Variants in FBLN1 observed in about 807,000 individuals in gnomAD.
FBLN1 encodes the protein fibulin-1.
A neutral mutation model predicts 89.7 loss-of-function variants in FBLN1; 34 were observed. The ratio of observed to expected loss-of-function variants is 0.38; its 90% CI spans 0.29 to 0.50. The LOEUF (loss-of-function observed/expected upper bound fraction) is 0.50. Among genes scored for constraint, FBLN1 ranks in the 20% least tolerant of loss-of-function variants. The pLI is 0.92. For synonymous variants in FBLN1, 393 were observed against 391.3 expected, an observed-to-expected ratio of 1.00 and a Z score of -0.05; for missense variants, 777 against 988.1, an observed-to-expected ratio of 0.79 and a Z score of 2.86.
At position 45,576,711 on chromosome 22, in the gene FBLN1, T is replaced by C. The variant is rs976536804; in HGVS notation, c.1841-266T>C. ...GATGACTTCTCACCAGCCCTTCCTC[T>C]GATTAGCTCTGTGTCCCCGAGGAAG... On this transcript the variant is annotated intron_variant, in intron 15 of 16. Coordinates refer to ENST00000327858, the MANE Select transcript of FBLN1 (RefSeq NM_006486.3). The surrounding 1 kb of genome is among the most constrained non-coding windows in gnomAD (Gnocchi z 5.2). Among the ~76,000 whole-genome samples, 6 of 152,208 alleles carry C rather than the reference T, an allele frequency of 3.9e-5. No individual in the cohort carries two copies. The highest frequency in any genetic ancestry group is 1.4e-4 in the African/African-American group (6 of 41,458).
Position 45,572,428 on chromosome 22 carries a change from A to T in FBLN1, c.1698-2083A>T, listed in dbSNP as rs568048302. On this transcript the variant is annotated intron_variant, in intron 14 of 16. Transcript: ENST00000327858. This position sits in a 1 kb window ranked among gnomAD's most constrained non-coding sequence, Gnocchi z 5.8. ...TGGCTTCCATCATGGGTTCATACTG[A>T]TTTTTTTTTCCCCAAAAATCCTTTG... 2.2e-3 allele frequency among the ~76,000 whole-genome samples: 338 copies of T among 151,868 alleles called. No homozygotes were observed. The highest frequency in any genetic ancestry group is 6.4e-3 in the African/African-American group (265 of 41,432).
chr22:45,512,551 G>T (rs901890142), intron 1 of FBLN1, among the ~76,000 whole-genome samples: 2 of 152,238 alleles, frequency 1.3e-5, no homozygotes, highest in South Asian at 2.1e-4. Context: ...TCCCCAGCCT[G>T]TGTGATGGGG....
intron 16 of FBLN1, among the ~76,000 whole-genome samples, chr22:45,587,006 G>A (rs966181427): frequency 4.6e-5 from 7 of 152,114 alleles, no homozygotes; most frequent in Admixed American, 3.9e-4. Context: ...GCTTCTGGGG[G>A]ACTCCTGCGA....
chr22:45,516,021 A>AAGGC (rs947156691), intron 1 of FBLN1, among the ~76,000 whole-genome samples: 3 of 152,208 alleles, frequency 2.0e-5, no homozygotes, highest in Admixed American at 2.0e-4. Flanking sequence ...CTATGAGGGT[A>AAGGC]AGGCAGGCAG....
chr22:45,538,730 C>T (rs556383328), intron 8 of FBLN1, among the ~76,000 whole-genome samples: 16 of 152,236 alleles, frequency 1.1e-4, no homozygotes, highest in Admixed American at 7.8e-4. Context: ...CCATGGTACC[C>T]GCTCCCTCAC....
In FBLN1 at chr22:45,580,906, G is replaced by A. The variant is rs1031559722; in HGVS notation, c.1972+3798G>A. Among the ~76,000 whole-genome samples the A allele has an allele frequency of 2.8e-4, 43 of 152,358 alleles. No individual in the cohort carries two copies. Among genetic ancestry groups the A allele is most frequent in the African/African-American group, 6.3e-4 (26 of 41,580 alleles). On this transcript the variant is annotated intron_variant, in intron 16 of 16. Coordinates refer to ENST00000327858, the MANE Select transcript of FBLN1 (RefSeq NM_006486.3). The surrounding 1 kb of genome is among the most constrained non-coding windows in gnomAD (Gnocchi z 8.6). ...GATCGAGGAGCCCGCAGCAGGGCCC[G>A]CGCCGTCGTCTTTGTAAAGCCCCCT...
At position 45,563,278 on chromosome 22, in the gene FBLN1, G is replaced by C. The variant is rs545015193; in HGVS notation, c.1698-11233G>C. The C allele has an allele frequency of 3.0e-5, 49 of 1,613,284 alleles. No individual in the cohort carries two copies. The highest frequency in any genetic ancestry group is 4.1e-5 in the Non-Finnish European group (48 of 1,180,048). ...CTGCAGAGCTCTGAGCACTCGCTTCGCGTCGCGGGGTCTCCCTCCTGTTGC... is the reference window on the plus strand; with the variant it reads ...CTGCAGAGCTCTGAGCACTCGCTTCCCGTCGCGGGGTCTCCCTCCTGTTGC... On this transcript the variant is annotated intron_variant, in intron 14 of 16. Coordinates refer to ENST00000327858, the MANE Select transcript of FBLN1 (RefSeq NM_006486.3). This position sits in a 1 kb window ranked among gnomAD's most constrained non-coding sequence, Gnocchi z 5.7.
intron 1 of FBLN1, among the ~76,000 whole-genome samples, chr22:45,513,648 C>T (rs116552073): frequency 6.6e-5 from 10 of 152,144 alleles, no homozygotes; most frequent in Admixed American, 1.3e-4. Flanking sequence ...TCCTCTCCCC[C>T]GAAGCCTGTG....
At chr22:45,526,007 ATCT>A (rs1602176137) in intron 3 of FBLN1, among the ~76,000 whole-genome samples, 1 of 152,122 alleles carries the variant, frequency 6.6e-6, no homozygotes, top group East Asian at 1.9e-4. Context: ...GGCTTCCAGA[ATCT>A]TCTTCTCAAT....
In FBLN1 at chr22:45,597,331, G is replaced by A. The variant is rs759731747; in HGVS notation, c.1973-2976G>A. ...AAAGACATATCTGACTGTTGCTTGT[G>A]GAGGTGCCTGCCATTCCTCCCTACA... is the stretch of plus-strand genomic sequence containing the variant. On this transcript the variant is annotated intron_variant, in intron 16 of 16. Transcript: ENST00000327858. This position sits in a 1 kb window ranked among gnomAD's most constrained non-coding sequence, Gnocchi z 4.2. Among the ~76,000 whole-genome samples the A allele has an allele frequency of 1.3e-5, 2 of 152,160 alleles. No individual in the cohort carries two copies. The highest frequency in any genetic ancestry group is 1.5e-5 in the Non-Finnish European group (1 of 68,030).
intron 3 of FBLN1, among the ~76,000 whole-genome samples, chr22:45,526,449 C>T (rs527718383): frequency 2.6e-5 from 4 of 152,336 alleles, no homozygotes; most frequent in African/African-American, 4.8e-5. Context: ...AAAACAAGCC[C>T]GGCCAGGAGG....
chr22:45,528,045 A>G (rs1374161159), intron 4 of FBLN1, 36 bp downstream of exon 4: 3 of 1,608,222 alleles, frequency 1.9e-6, no homozygotes, highest in Admixed American at 1.7e-5. Flanking sequence ...TGAGCAGTGT[A>G]TTAAGGTTCT....
At chr22:45,596,656 A>G (rs1829384689) in intron 16 of FBLN1, among the ~76,000 whole-genome samples, 4 of 147,450 alleles carry the variant, frequency 2.7e-5, no homozygotes, top group Admixed American at 2.7e-4. Context: ...TATCAACATA[A>G]TATAATTATG....
In FBLN1 at chr22:45,590,432, G is replaced by C. The variant is rs1001180488; in HGVS notation, c.1973-9875G>C. ...CAGTGTGGCTGGGGCAGTGTGCTGA[G>C]AGCTGGGCTGGACGGGGCCGTGGGC... is the stretch of plus-strand genomic sequence containing the variant. On this transcript the variant is annotated intron_variant, in intron 16 of 16. Transcript: ENST00000327858. This position sits in a 1 kb window ranked among gnomAD's most constrained non-coding sequence, Gnocchi z 4.1. 6.6e-6 allele frequency among the ~76,000 whole-genome samples: 1 copy of C among 152,230 alleles called. No individual in the cohort carries two copies. Among genetic ancestry groups the C allele is most frequent in the African/African-American group, 2.4e-5 (1 of 41,466 alleles).
intron 14 of FBLN1, among the ~76,000 whole-genome samples, chr22:45,570,120 G>T (rs1030543851): frequency 6.6e-6 from 1 of 151,866 alleles, no homozygotes; most frequent in African/African-American, 2.4e-5. Flanking sequence ...AGGAGTTCGA[G>T]ACCACCCTGG....
chr22:45,544,179 C>T (rs1018036052), intron 11 of FBLN1, among the ~76,000 whole-genome samples: 15 of 152,104 alleles, frequency 9.9e-5, no homozygotes, highest in Non-Finnish European at 1.8e-4. Flanking sequence ...CTCCGCCTCC[C>T]GGGTTCAAGC....
At chr22:45,548,555 C>T in intron 12 of FBLN1, 58 bp from the exon 13 acceptor site, 1 of 1,607,406 alleles carries the variant, frequency 6.2e-7, no homozygotes, top group Non-Finnish European at 8.5e-7. Context: ...TGTAGCATGG[C>T]CAGCAGCCAT....
chr22:45,597,008 C>A lies in FBLN1; in HGVS notation c.1973-3299C>A, dbSNP rs2089193311. Among the ~76,000 whole-genome samples, 1 of 150,870 alleles carries A rather than the reference C, an allele frequency of 6.6e-6. No individual in the cohort carries two copies. On this transcript the variant is annotated intron_variant, in intron 16 of 16. Coordinates refer to ENST00000327858, the MANE Select transcript of FBLN1 (RefSeq NM_006486.3). The surrounding 1 kb of genome is among the most constrained non-coding windows in gnomAD (Gnocchi z 4.2). The stretch of plus-strand genomic sequence containing the variant: ...AAATATAATAATAACAGAAATAGAT[C>A]TCTTTTTTTTTGGGACAGGATCTTG...
At chr22:45,510,207 C>T (rs919883566) in intron 1 of FBLN1, among the ~76,000 whole-genome samples, 1 of 152,104 alleles carries the variant, frequency 6.6e-6, no homozygotes, top group Non-Finnish European at 1.5e-5. Flanking sequence ...TTTAATGCCC[C>T]GGATTTTGGA....
Sources: allele counts gnomAD v4.1 joint callset (sites outside exome capture counted in the v4.1 genomes callset), GRCh38; gene constraint gnomAD v4.1.1; non-coding constraint Gnocchi (gnomAD v3.1); transcripts MANE v1.5; gene names NCBI Gene and HGNC (gene_info 2026-07-23, HGNC 2026-07-21).